NTRK3: variants seen among roughly 807,000 people sequenced by gnomAD.
NTRK3 encodes neurotrophic receptor tyrosine kinase 3.
NTRK3 carries 24 observed loss-of-function variants against 91.7 expected under a neutral mutation model. That is an observed-to-expected ratio of 0.26 (90% CI 0.19 to 0.37). The LOEUF is 0.37. NTRK3 is among the 10% of genes least tolerant of loss of function. The pLI, the probability that NTRK3 is intolerant of heterozygous loss-of-function variation, is 1.00. For synonymous variants in NTRK3, 483 were observed against 404.0 expected (o/e 1.20, Z -2.34); for missense variants, 880 against 1,068.9 (o/e 0.82, Z 2.46).
chr15:88,218,710 G>A (rs2049997541), intron 3 of NTRK3, among the ~76,000 whole-genome samples: 1 of 152,188 alleles, frequency 6.6e-6, no homozygotes, highest in South Asian at 2.1e-4. Context: ...TCTGTGCCCT[G>A]CACCATTTCC....
chr15:88,191,163 CGTGTGTGTGTGTGTGTGTGTGT>C (rs60048541), intron 3 of NTRK3, among the ~76,000 whole-genome samples: 2 of 137,860 alleles, frequency 1.5e-5, no homozygotes, highest in Admixed American at 7.2e-5. Context: ...TGATGTTTCC[CGTGTGTGTGTGTGTGTGTGTGT>C]GTGTGTGTGT....
intron 13 of NTRK3, among the ~76,000 whole-genome samples, chr15:88,099,719 G>C (rs965845696): frequency 6.6e-6 from 1 of 152,114 alleles, no homozygotes; most frequent in Admixed American, 6.6e-5. Flanking sequence ...AGCAGGGGTG[G>C]GGGAAACTTA....
chr15:88,130,849 T>G (rs181626545), intron 10 of NTRK3, among the ~76,000 whole-genome samples: 1 of 152,164 alleles, frequency 6.6e-6, no homozygotes, highest in Non-Finnish European at 1.5e-5. Context: ...ATGGGACAAG[T>G]GATGAAATGT....
At chr15:88,208,754 C>T (rs566650234) in intron 3 of NTRK3, among the ~76,000 whole-genome samples, 13 of 152,166 alleles carry the variant, frequency 8.5e-5, no homozygotes, top group Non-Finnish European at 1.8e-4. Context: ...ACCAATGGTT[C>T]CCAGTGCTGG....
chr15:88,116,495 T>A (rs2052091093), intron 13 of NTRK3, among the ~76,000 whole-genome samples: 1 of 152,026 alleles, frequency 6.6e-6, no homozygotes, highest in Non-Finnish European at 1.5e-5. Context: ...AATCCCAGCC[T>A]ATAGACCTTT....
intron 14 of NTRK3, among the ~76,000 whole-genome samples, chr15:87,958,088 C>T (rs1161438899): frequency 6.6e-6 from 1 of 152,092 alleles, no homozygotes; most frequent in African/African-American, 2.4e-5. Flanking sequence ...AAACTTCCCA[C>T]GTAATGCTAA....
At chr15:87,904,154 A>AT (rs11385386) in intron 17 of NTRK3, among the ~76,000 whole-genome samples, 98,702 of 142,706 alleles carry the variant, frequency 0.69, 34,156 homozygotes, top group Non-Finnish European at 0.72. Flanking sequence ...TACAATAAGC[A>AT]TTTTTTTTTT....
At chr15:88,110,961 G>A (rs2051277717) in intron 13 of NTRK3, among the ~76,000 whole-genome samples, 1 of 152,188 alleles carries the variant, frequency 6.6e-6, no homozygotes, top group African/African-American at 2.4e-5. Context: ...AAGAGAGAAG[G>A]GACAACTTCA....
At chr15:88,062,750 T>C (rs2046328963) in intron 13 of NTRK3, among the ~76,000 whole-genome samples, 1 of 152,272 alleles carries the variant, frequency 6.6e-6, no homozygotes, top group Non-Finnish European at 1.5e-5. Context: ...AAATGAATTC[T>C]ATCTTTATTA....
At chr15:88,176,133 C>CTTAT (rs1167029194) in intron 5 of NTRK3, among the ~76,000 whole-genome samples, 1 of 115,642 alleles carries the variant, frequency 8.6e-6, no homozygotes, top group Non-Finnish European at 1.7e-5. Flanking sequence ...CTATATGCCC[C>CTTAT]TTCTTTTTTT....
chr15:88,083,681 C>T (rs1457379207), intron 13 of NTRK3, among the ~76,000 whole-genome samples: 1 of 152,220 alleles, frequency 6.6e-6, no homozygotes, highest in Non-Finnish European at 1.5e-5. Context: ...CTTCACCCCG[C>T]TGGCTCAAAG....
chr15:88,237,965 G>C lies in NTRK3; in HGVS notation c.248+17941C>G, dbSNP rs763757127. Among the ~76,000 whole-genome samples, 3 of 152,074 alleles carry C rather than the reference G, an allele frequency of 2.0e-5. No homozygotes were observed. The highest frequency in any genetic ancestry group is 4.4e-5 in the Non-Finnish European group (3 of 68,008). On this transcript the variant is annotated intron_variant, in intron 3 of 18. Coordinates refer to ENST00000394480, the Ensembl canonical transcript of NTRK3. The surrounding 1 kb of genome is among the most constrained non-coding windows in gnomAD (Gnocchi z 4.0). ...GGAATGTAACTGTATTTGGAGATAG[G>C]GTCTTTAAAGAAGTAATTAAGTTTA...
At chr15:88,133,108 C>T (rs2041530234) in intron 10 of NTRK3, among the ~76,000 whole-genome samples, 1 of 152,136 alleles carries the variant, frequency 6.6e-6, no homozygotes, top group Non-Finnish European at 1.5e-5. Context: ...AGTTTTAACA[C>T]ATTCTCAGGT....
At position 88,240,897 on chromosome 15, in the gene NTRK3, G is replaced by A. The variant is rs138092567; in HGVS notation, c.248+15009C>T. Among the ~76,000 whole-genome samples, 1,445 of 152,356 alleles carry A rather than the reference G, an allele frequency of 9.5e-3. 20 individuals are homozygous for A. Among genetic ancestry groups the A allele is most frequent in the African/African-American group, 0.031 (1,275 of 41,584 alleles). On this transcript the variant is annotated intron_variant, in intron 3 of 18. Transcript: ENST00000394480. This position sits in a 1 kb window ranked among gnomAD's most constrained non-coding sequence, Gnocchi z 4.9. Reference sequence around the variant, plus strand: ...CCCGAGGCCCACAAAGGTGTGGAGAGCAATGAGAATGGTGTGCCCAGCATT... The same window carrying A: ...CCCGAGGCCCACAAAGGTGTGGAGAACAATGAGAATGGTGTGCCCAGCATT...
exon 12 of NTRK3, chr15:88,127,200 T>C (rs1186292489): frequency 2.5e-6 from 4 of 1,614,008 alleles, no homozygotes; most frequent in Non-Finnish European, 3.4e-6. Context: ...GTCACAGTGA[T>C]AGGAGGTGTG....
At chr15:88,015,433 C>T (rs1379183206) in intron 14 of NTRK3, among the ~76,000 whole-genome samples, 1 of 152,122 alleles carries the variant, frequency 6.6e-6, no homozygotes, top group African/African-American at 2.4e-5. Flanking sequence ...GCTACTGCTA[C>T]GGTGGCCTGG....
rs1227641321 is a variant in NTRK3, at chr15:88,255,860, C to T, written c.248+46G>A. On this transcript the variant is annotated intron_variant, in intron 3 of 18. Coordinates refer to ENST00000394480, the Ensembl canonical transcript of NTRK3. This position sits in a 1 kb window ranked among gnomAD's most constrained non-coding sequence, Gnocchi z 4.3. ...CGGCCGCGGGTGGGCAGGAGGGAGA[C>T]GCAGAGCGCGGGGGAGGCAGGCTGG... 5 of 1,559,498 alleles carry T rather than the reference C, an allele frequency of 3.2e-6. No individual in the cohort carries two copies. Among genetic ancestry groups the T allele is most frequent in the East Asian group, 2.4e-5 (1 of 42,110 alleles).
chr15:87,963,747 C>A (rs1287156488), intron 14 of NTRK3, among the ~76,000 whole-genome samples: 1 of 152,122 alleles, frequency 6.6e-6, no homozygotes, highest in Non-Finnish European at 1.5e-5. Flanking sequence ...CAGGACATAG[C>A]CTCATGGTAA....
intron 3 of NTRK3, among the ~76,000 whole-genome samples, chr15:88,208,107 G>C (rs1040310965): frequency 2.0e-5 from 3 of 152,202 alleles, no homozygotes; most frequent in African/African-American, 7.2e-5. Flanking sequence ...AGCATGCCTG[G>C]ATCATAACCA....
Sources: allele counts gnomAD v4.1 joint callset (sites outside exome capture counted in the v4.1 genomes callset), GRCh38; gene constraint gnomAD v4.1.1; non-coding constraint Gnocchi (gnomAD v3.1); transcripts MANE v1.5; gene names NCBI Gene and HGNC (gene_info 2026-07-23, HGNC 2026-07-21).